Variants in CNTNAP5 observed in about 807,000 individuals in gnomAD.
CNTNAP5 encodes contactin associated protein family member 5.
A neutral mutation model predicts 150.2 loss-of-function variants in CNTNAP5; 72 were observed. The ratio of observed to expected loss-of-function variants is 0.48; its 90% CI spans 0.40 to 0.58. CNTNAP5 has a LOEUF of 0.58. Ranked by LOEUF, CNTNAP5 falls within the 20% of genes least tolerant of loss-of-function variation. The probability of loss-of-function intolerance (pLI) is 0.00; values close to 1 mark genes in which losing one functional copy is unlikely to be tolerated. For missense variants in CNTNAP5, 1,636 were observed against 1,626.2 expected (o/e 1.01, Z -0.10); for synonymous variants, 672 against 619.8 (o/e 1.08, Z -1.25).
intron 1 of CNTNAP5, among the ~76,000 whole-genome samples, chr2:124,087,815 C>G (rs1032591815): frequency 6.7e-6 from 1 of 150,096 alleles, no homozygotes; most frequent in Non-Finnish European, 1.5e-5. Context: ...CCTATTGTCA[C>G]TTGATTTGTT....
At chr2:124,460,518 C>T (rs116361078) in intron 6 of CNTNAP5, among the ~76,000 whole-genome samples, 2,056 of 152,120 alleles carry the variant, frequency 0.014, 48 homozygotes, top group African/African-American at 0.047. Context: ...CTAGTCCAGC[C>T]ATAGAATTTA....
intron 6 of CNTNAP5, among the ~76,000 whole-genome samples, chr2:124,448,915 C>T (rs995130560): frequency 4.6e-5 from 7 of 152,170 alleles, no homozygotes; most frequent in African/African-American, 1.7e-4. Flanking sequence ...TTTGGATACA[C>T]AGTCATGGCA....
chr2:124,894,828 TAA>T (rs1008635283), intron 21 of CNTNAP5, among the ~76,000 whole-genome samples: 5 of 151,442 alleles, frequency 3.3e-5, no homozygotes, highest in Non-Finnish European at 7.4e-5. Flanking sequence ...ACTGGGATTA[TAA>T]GAGTGAGCCA....
chr2:124,037,582 C>T (rs1476773843), intron 1 of CNTNAP5, among the ~76,000 whole-genome samples: 1 of 152,124 alleles, frequency 6.6e-6, no homozygotes, highest in Non-Finnish European at 1.5e-5. Context: ...AAGCCAGTCA[C>T]AGAAAGACAA....
intron 5 of CNTNAP5, among the ~76,000 whole-genome samples, chr2:124,435,942 G>C (rs768756822): frequency 2.6e-5 from 4 of 152,144 alleles, no homozygotes; most frequent in East Asian, 1.9e-4. Context: ...ACCTAGAAGA[G>C]AGTGGTAAAA....
rs1026544390 is a variant in CNTNAP5 at position 124,775,811 on chromosome 2, G to C, written c.2752+2794G>C. 3.3e-5 allele frequency among the ~76,000 whole-genome samples: 5 copies of C among 152,152 alleles called. 1 individual carries two copies. Among genetic ancestry groups the C allele is most frequent in the Non-Finnish European group, 2.9e-5 (2 of 68,040 alleles). On this transcript the variant is annotated intron_variant, in intron 17 of 23. Coordinates refer to ENST00000682447, the MANE Select transcript of CNTNAP5 (RefSeq NM_001367498.1). ...AGCTTCTGAAATGTAAGCTGCAAGC[G>C]TGTGGCATTCTCACCTTTGGAATGC...
rs534709248 is a variant in CNTNAP5 at position 124,804,996 on chromosome 2, CCTCTTTGTATGAAATA to C, written c.3217+6698_3217+6713del. 8.7e-3 allele frequency among the ~76,000 whole-genome samples: 1,325 copies of C among 152,094 alleles called. 13 individuals carry two copies. The highest frequency in any genetic ancestry group is 0.026 in the African/African-American group (1,079 of 41,428). ...GAATTTGGGGTTAAAAATTAATACT[CCTCTTTGTATGAAATA>C]CTCTTTGTATGAAATACTCTTAAAA... On this transcript the variant is annotated intron_variant, in intron 19 of 23. Coordinates refer to ENST00000682447, the MANE Select transcript of CNTNAP5 (RefSeq NM_001367498.1).
At chr2:124,519,425 A>C (rs1420451498) in intron 8 of CNTNAP5, among the ~76,000 whole-genome samples, 2 of 152,258 alleles carry the variant, frequency 1.3e-5, no homozygotes, top group Admixed American at 1.3e-4. Flanking sequence ...AAAACTTTTC[A>C]GAGCTTTTTG....
At chr2:124,061,427 A>T (rs949316001) in intron 1 of CNTNAP5, among the ~76,000 whole-genome samples, 1 of 152,126 alleles carries the variant, frequency 6.6e-6, no homozygotes. Flanking sequence ...AGCTACTCTG[A>T]CCTTAAATCT....
Position 124,916,442 on chromosome 2 carries a change from C to T in CNTNAP5, c.*2154C>T, listed in dbSNP as rs767315291. On this transcript the variant is annotated 3_prime_UTR_variant, in exon 24 of 24. Coordinates refer to ENST00000682447, the MANE Select transcript of CNTNAP5 (RefSeq NM_001367498.1). ...TTGCTTGGCTATATATTCCTTTGTC[C>T]CCTGAAATAAAAGTCACCATGAAGT... 6.6e-6 allele frequency among the ~76,000 whole-genome samples: 1 copy of T among 151,812 alleles called. No homozygotes were observed. The highest frequency in any genetic ancestry group is 2.4e-5 in the African/African-American group (1 of 41,334).
intron 6 of CNTNAP5, among the ~76,000 whole-genome samples, chr2:124,459,687 G>T (rs1442936295): frequency 6.7e-6 from 1 of 149,246 alleles, no homozygotes; most frequent in Non-Finnish European, 1.5e-5. Context: ...GAACCTGGGA[G>T]TTGGAGGTTG....
rs1203281047 is a variant in CNTNAP5, at chr2:124,439,490, A to G, written c.733+4803A>G. Among the ~76,000 whole-genome samples, 5 of 152,328 alleles carry G rather than the reference A, an allele frequency of 3.3e-5. No individual in the cohort carries two copies. In the South Asian group the frequency reaches 6.2e-4, roughly 19 times the overall value. ...TTAAGATAATGTTTTCGAAGATAGC[A>G]AAGTCACAGAAGACGGACACAAGTT... On this transcript the variant is annotated intron_variant, in intron 5 of 23. Transcript: ENST00000682447.
At chr2:124,571,899 G>C (rs1386952857) in intron 11 of CNTNAP5, among the ~76,000 whole-genome samples, 1 of 151,728 alleles carries the variant, frequency 6.6e-6, no homozygotes, top group African/African-American at 2.4e-5. Context: ...ACAATAAGGG[G>C]GAAAAATGAA....
intron 1 of CNTNAP5, among the ~76,000 whole-genome samples, chr2:124,181,705 C>T (rs1360314824): frequency 2.6e-5 from 4 of 152,134 alleles, no homozygotes; most frequent in African/African-American, 9.7e-5. Flanking sequence ...CTATTTCTTC[C>T]TTAACTAACA....
chr2:124,714,351 T>C (rs77435277), intron 13 of CNTNAP5, among the ~76,000 whole-genome samples: 3,898 of 152,188 alleles, frequency 0.026, 172 homozygotes, highest in African/African-American at 0.09. Flanking sequence ...GTTCAGAAAA[T>C]GTTATAATAG....
At chr2:124,109,711 A>G (rs1573759834) in intron 1 of CNTNAP5, among the ~76,000 whole-genome samples, 2 of 150,372 alleles carry the variant, frequency 1.3e-5, no homozygotes, top group Admixed American at 1.3e-4. Flanking sequence ...GCTGACCCCC[A>G]TGCACCTTGG....
chr2:124,261,277 T>TAA (rs541737791), intron 3 of CNTNAP5, among the ~76,000 whole-genome samples: 44 of 152,280 alleles, frequency 2.9e-4, no homozygotes, highest in Non-Finnish European at 5.9e-4. Context: ...CCTCCCTACA[T>TAA]AAAACTCTTC....
intron 3 of CNTNAP5, among the ~76,000 whole-genome samples, chr2:124,243,664 G>A (rs1477593751): frequency 1.3e-5 from 2 of 152,126 alleles, no homozygotes; most frequent in Non-Finnish European, 2.9e-5. Flanking sequence ...CTTGAAGGGA[G>A]AGGTTGGGAG....
intron 13 of CNTNAP5, among the ~76,000 whole-genome samples, chr2:124,738,323 A>G (rs902039290): frequency 2.0e-5 from 3 of 152,196 alleles, no homozygotes; most frequent in Non-Finnish European, 4.4e-5. Context: ...TCTTACTCCA[A>G]TGCTGAGTTG....
Sources: gnomAD v4.1 joint callset for allele counts (sites outside exome capture counted in the v4.1 genomes callset) on GRCh38, gnomAD v4.1.1 for gene constraint, MANE v1.5 for transcripts, NCBI Gene and HGNC (gene_info 2026-07-23, HGNC 2026-07-21) for gene names.